PRKAR2B: variants seen among roughly 807,000 people sequenced by gnomAD.
The protein encoded by PRKAR2B is cAMP-dependent protein kinase type II-beta regulatory subunit.
In PRKAR2B, 14 loss-of-function variants were observed where a neutral mutation model predicts 49.9. The observed-to-expected ratio is 0.28, with a 90% CI of 0.19 to 0.44. The LOEUF (loss-of-function observed/expected upper bound fraction) is 0.44. Among genes scored for constraint, PRKAR2B ranks in the 20% least tolerant of loss-of-function variants. The probability of loss-of-function intolerance (pLI) is 1.00; values close to 1 mark genes in which losing one functional copy is unlikely to be tolerated. For synonymous variants in PRKAR2B, 196 were observed against 197.7 expected, an observed-to-expected ratio of 0.99 and a Z score of 0.07; for missense variants, 393 against 537.9, an observed-to-expected ratio of 0.73 and a Z score of 2.67.
chr7:107,056,385 G>C (rs1346396548), intron 1 of PRKAR2B, among the ~76,000 whole-genome samples: 1 of 152,164 alleles, frequency 6.6e-6, no homozygotes, highest in African/African-American at 2.4e-5. Context: ...GGATGGCATT[G>C]AATCTATAAA....
chr7:107,071,622 G>A (rs1794278716), intron 2 of PRKAR2B, among the ~76,000 whole-genome samples: 1 of 152,172 alleles, frequency 6.6e-6, no homozygotes, highest in South Asian at 2.1e-4. Context: ...GAGAGAATCA[G>A]TATTGTGATG....
intron 4 of PRKAR2B, among the ~76,000 whole-genome samples, chr7:107,140,288 A>G (rs1444371758): frequency 6.6e-6 from 1 of 152,176 alleles, no homozygotes; most frequent in African/African-American, 2.4e-5. Flanking sequence ...GCCAACCTTA[A>G]TGACAGTGAA....
At chr7:107,068,718 A>G (rs911309193) in intron 1 of PRKAR2B, 48 of 152,250 alleles carry the variant, frequency 3.2e-4, no homozygotes, top group African/African-American at 1.1e-3. Flanking sequence ...TTTAATCATA[A>G]TGAAGATCAT....
chr7:107,056,969 C>T (rs1387693851), intron 1 of PRKAR2B, among the ~76,000 whole-genome samples: 2 of 152,130 alleles, frequency 1.3e-5, no homozygotes, highest in African/African-American at 2.4e-5. Context: ...GACATTCTGG[C>T]CCCCCACAAA....
intron 2 of PRKAR2B, among the ~76,000 whole-genome samples, chr7:107,089,159 C>T (rs1388619685): frequency 1.3e-5 from 2 of 152,070 alleles, no homozygotes; most frequent in African/African-American, 2.4e-5. Flanking sequence ...CAGAGCGAGA[C>T]TCCATCTCAA....
At chr7:107,082,071 A>G (rs1181324860) in intron 2 of PRKAR2B, 1 of 152,226 alleles carries the variant, frequency 6.6e-6, no homozygotes, top group Non-Finnish European at 1.5e-5. Context: ...GAGTTTTAGC[A>G]GGTTGCTGAG....
intron 1 of PRKAR2B, among the ~76,000 whole-genome samples, chr7:107,049,025 G>A (rs1470040787): frequency 6.6e-6 from 1 of 152,136 alleles, no homozygotes; most frequent in Non-Finnish European, 1.5e-5. Context: ...TGAAAGGGTA[G>A]CATCCCTAGG....
At chr7:107,048,910 A>G (rs1252513998) in intron 1 of PRKAR2B, among the ~76,000 whole-genome samples, 1 of 152,094 alleles carries the variant, frequency 6.6e-6, no homozygotes, top group African/African-American at 2.4e-5. Context: ...TTCTAGGGAA[A>G]CTCTCAAAGG....
chr7:107,131,853 G>T (rs1488030275), intron 4 of PRKAR2B, among the ~76,000 whole-genome samples: 9 of 152,128 alleles, frequency 5.9e-5, no homozygotes. Context: ...ACCCAAATGT[G>T]TTTTAATTGA....
At chr7:107,076,451 CAG>C (rs1316154723) in intron 2 of PRKAR2B, among the ~76,000 whole-genome samples, 2 of 151,888 alleles carry the variant, frequency 1.3e-5, no homozygotes, top group African/African-American at 2.4e-5. Flanking sequence ...TTTGCTTTTT[CAG>C]AGTTTTGAAG....
At chr7:107,053,184 C>A (rs1793843848) in intron 1 of PRKAR2B, among the ~76,000 whole-genome samples, 1 of 152,110 alleles carries the variant, frequency 6.6e-6, no homozygotes, top group Non-Finnish European at 1.5e-5. Context: ...GCTTAATTCT[C>A]TAAATTTATT....
intron 1 of PRKAR2B, among the ~76,000 whole-genome samples, chr7:107,058,684 CA>C (rs1655263503): frequency 6.6e-6 from 1 of 151,942 alleles, no homozygotes; most frequent in Admixed American, 6.6e-5. Flanking sequence ...AAATGGAATC[CA>C]AAAGGTATTT....
At chr7:107,065,313 GGTGTGTGTATGTGTGT>G (rs1255834154) in intron 1 of PRKAR2B, among the ~76,000 whole-genome samples, 18 of 130,398 alleles carry the variant, frequency 1.4e-4, no homozygotes, top group African/African-American at 3.8e-4. Context: ...GTTTGCTCGG[GGTGTGTGTATGTGTGT>G]GTGTGTGTGT....
intron 2 of PRKAR2B, among the ~76,000 whole-genome samples, chr7:107,074,799 AAAATAAATAAAT>A (rs945563998): frequency 6.6e-6 from 1 of 152,064 alleles, no homozygotes; most frequent in African/African-American, 2.4e-5. Context: ...GACTGCGTTT[AAAATAAATAAAT>A]AAATAAATAA....
In PRKAR2B at chr7:107,082,655, G is replaced by A. The variant is rs183679891; in HGVS notation, c.343+12339G>A. Among the ~76,000 whole-genome samples, 197 of 152,210 alleles carry A rather than the reference G, an allele frequency of 1.3e-3. 1 individual carries two copies. The highest frequency in any genetic ancestry group is 4.5e-3 in the African/African-American group (188 of 41,520). ...CTGTCGCCCAGGCTGGAGTGCAGCG[G>A]TGCAGTTGGCTCACTGCAACCTCTG... On this transcript the variant is annotated intron_variant, in intron 2 of 10. Coordinates refer to ENST00000265717, the MANE Select transcript of PRKAR2B (RefSeq NM_002736.3).
intron 5 of PRKAR2B, among the ~76,000 whole-genome samples, chr7:107,142,033 A>G (rs1387099181): frequency 6.6e-6 from 1 of 152,178 alleles, no homozygotes; most frequent in Admixed American, 6.5e-5. Context: ...TTGTAAAACA[A>G]TGATAAGTGT....
At chr7:107,077,390 A>T (rs1336030797) in intron 2 of PRKAR2B, 1 of 152,190 alleles carries the variant, frequency 6.6e-6, no homozygotes, top group Non-Finnish European at 1.5e-5. Flanking sequence ...AATATCCTCA[A>T]AGTGAAAAGG....
chr7:107,128,219 A>C lies in PRKAR2B; in HGVS notation c.404A>C (p.His135Pro). The change falls in exon 4 of 11, where the codon CAT becomes CCT. Residue 135 changes from histidine to proline, a missense_variant. Physicochemically the swap from His to Pro is moderately conservative, Grantham distance 77. This residue lies in a region of PRKAR2B where 233 missense variants were observed against 390.4 expected (regional missense o/e 0.60). Coordinates refer to ENST00000265717, the MANE Select transcript of PRKAR2B (RefSeq NM_002736.3). ...AATCTGATGTCCTTTTAGATTATAC[A>C]TCCAAAAACTGATGATCAAAGAAAT... ...EEDDAESRIIHPKTDDQRNRL... is the reference protein window; with the variant it reads ...EEDDAESRIIPPKTDDQRNRL... The C allele has an allele frequency of 6.2e-7, 1 of 1,608,516 alleles. No homozygotes were observed. Among genetic ancestry groups the C allele is most frequent in the Non-Finnish European group, 8.5e-7 (1 of 1,175,034 alleles).
At chr7:107,084,624 T>C (rs1251048557) in intron 2 of PRKAR2B, among the ~76,000 whole-genome samples, 2 of 141,632 alleles carry the variant, frequency 1.4e-5, no homozygotes, top group East Asian at 2.0e-4. Context: ...ATCTATATAC[T>C]TTTTTTTTTT....
Sources: allele counts gnomAD v4.1 joint callset (sites outside exome capture counted in the v4.1 genomes callset), GRCh38; gene constraint gnomAD v4.1.1; regional missense constraint gnomAD v4.1.1; transcripts MANE v1.5; gene names NCBI Gene and HGNC (gene_info 2026-07-23, HGNC 2026-07-21).